Variants in LIPN observed in about 807,000 individuals in gnomAD.
The protein encoded by LIPN is lipase member N.
Under a neutral mutation model 43.7 loss-of-function variants are expected in LIPN, and 32 were observed. The observed-to-expected ratio is 0.73, with a 90% CI of 0.55 to 0.98. LIPN has a LOEUF of 0.98. LIPN is among the 50% of genes least tolerant of loss of function. The pLI is 0.00. For missense variants in LIPN, 505 were observed against 483.8 expected (o/e 1.04, Z -0.41); for synonymous variants, 156 against 157.6 (o/e 0.99, Z 0.08).
rs771596612 is a variant in LIPN, at chr10:88,774,549, A to G, written c.891+5A>G. The G allele has an allele frequency of 1.9e-6, 3 of 1,606,548 alleles. No homozygotes were observed. The highest frequency in any genetic ancestry group is 2.6e-6 in the Non-Finnish European group (3 of 1,173,894). On this transcript the variant is annotated splice_donor_5th_base_variant and intron_variant, in intron 8 of 9. Transcript: ENST00000404459. ...AACATTCTGCATATAAAACAGGTAG[A>G]GTCTTAGTCATGGAAAACCATTCCA...
intron 2 of LIPN, 141 bp downstream of exon 2, chr10:88,761,654 C>CTAGT (rs745430205): frequency 2.7e-5 from 16 of 596,640 alleles, no homozygotes; most frequent in Non-Finnish European, 4.1e-5. Context: ...AAGAGTCAAG[C>CTAGT]TAGTTAGATC....
At chr10:88,777,962 C>A in intron 9 of LIPN, 47 bp from the exon 10 acceptor site, 2 of 1,218,108 alleles carry the variant, frequency 1.6e-6, no homozygotes, top group Non-Finnish European at 2.4e-6. Flanking sequence ...GTAGTTATTG[C>A]TTTGAGGAGC....
intron 8 of LIPN, 68 bp downstream of exon 8, chr10:88,774,612 C>T (rs1843266079): frequency 7.5e-7 from 1 of 1,334,288 alleles, no homozygotes; most frequent in South Asian, 1.2e-5. Context: ...ACAGAATTGA[C>T]CCTGTTAACA....
At position 88,765,748 on chromosome 10, in the gene LIPN, A is replaced by G. The variant is rs187729891; in HGVS notation, c.426-521A>G. ...CAGCCAGAGTCGTTTCTTTCATACT[A>G]TTAAACCCCGTTAGCAGCCCCGTAA... On this transcript the variant is annotated intron_variant, in intron 4 of 9. Transcript: ENST00000404459. Among the ~76,000 whole-genome samples the G allele has an allele frequency of 2.4e-4, 36 of 151,968 alleles. 1 individual carries two copies. The East Asian group carries it at 6.8e-3, about 29-fold the overall frequency.
intron 9 of LIPN, among the ~76,000 whole-genome samples, chr10:88,777,024 AGAGGG>A: frequency 1.3e-5 from 2 of 152,198 alleles, no homozygotes; most frequent in South Asian, 4.1e-4. Flanking sequence ...TTAGTATTGA[AGAGGG>A]CTTCTTCTAC....
upstream of LIPN, among the ~76,000 whole-genome samples, chr10:88,758,125 T>C (rs1842949209): frequency 1.3e-5 from 2 of 152,022 alleles, no homozygotes; most frequent in African/African-American, 2.4e-5. Context: ...CACACTGTAA[T>C]AGGAAATGTG....
intron 9 of LIPN, among the ~76,000 whole-genome samples, chr10:88,775,638 G>C (rs917666245): frequency 2.6e-5 from 4 of 151,948 alleles, no homozygotes; most frequent in Admixed American, 6.6e-5. Flanking sequence ...AGTTGAATAA[G>C]TATTACCCAA....
intron 7 of LIPN, among the ~76,000 whole-genome samples, chr10:88,773,009 A>T (rs1301171950): frequency 2.6e-5 from 4 of 151,968 alleles, no homozygotes; most frequent in Non-Finnish European, 5.9e-5. Flanking sequence ...AAATGACATT[A>T]AAAAATGGAA....
chr10:88,777,944 C>A (rs956797605), intron 9 of LIPN, 65 bp from the exon 10 acceptor site: 3 of 933,062 alleles, frequency 3.2e-6, no homozygotes, highest in African/African-American at 1.6e-5. Flanking sequence ...ATTCATTTAG[C>A]AGCCTTTGTA....
chr10:88,761,627 T>C (rs530040659), intron 2 of LIPN, 114 bp downstream of exon 2: 11 of 729,312 alleles, frequency 1.5e-5, no homozygotes, highest in Non-Finnish European at 2.5e-5. Context: ...AAAATGTAGA[T>C]GGTTTTTAAC....
rs771933908 is a variant in LIPN, at chr10:88,764,491, T to C, written c.308T>C (p.Leu103Pro). The change falls in exon 4 of 10, where the codon CTT becomes CCT. Residue 103 changes from leucine to proline, a missense_variant. Transcript: ENST00000404459. Reference protein sequence around the residue: ...YWLENYANGSLGFLLADAGYD... With the variant: ...YWLENYANGSPGFLLADAGYD... ...CTTGAGAATTATGCTAATGGAAGCC[T>C]TGGATTCCTTCTAGCAGATGCAGGT... The C allele has an allele frequency of 1.6e-5, 26 of 1,612,138 alleles. No individual in the cohort carries two copies. Among genetic ancestry groups the C allele is most frequent in the African/African-American group, 6.7e-5 (5 of 74,760 alleles).
intron 9 of LIPN, among the ~76,000 whole-genome samples, chr10:88,777,065 G>C (rs1468493214): frequency 6.6e-6 from 1 of 152,046 alleles, no homozygotes; most frequent in Non-Finnish European, 1.5e-5. Context: ...GTACAATGTA[G>C]TTTAGGTCTT....
Position 88,764,541 on chromosome 10 carries a change from C to G in LIPN, c.358C>G (p.Arg120Gly). 1.2e-6 allele frequency: 2 copies of G among 1,611,654 alleles called. No individual in the cohort carries two copies. Among genetic ancestry groups the G allele is most frequent in the South Asian group, 2.2e-5 (2 of 90,948 alleles). ...TTATGATGTATGGATGGGAAACAGT[C>G]GGGGAAACACTTGGTCAAGAAGACA... ...AGYDVWMGNS[R>G]GNTWSRRHKT... Residue 120 changes from arginine to glycine, a missense_variant, in exon 4 of 10, where the codon CGG (arginine) becomes GGG (glycine). Transcript: ENST00000404459.
intron 5 of LIPN, among the ~76,000 whole-genome samples, chr10:88,766,777 T>G (rs1360338682): frequency 6.6e-6 from 1 of 151,874 alleles, no homozygotes; most frequent in African/African-American, 2.4e-5. Flanking sequence ...ACAACCCAAA[T>G]GGGATTTTTA....
chr10:88,774,630 C>T, intron 8 of LIPN, 86 bp downstream of exon 8: 1 of 1,086,362 alleles, frequency 9.2e-7, no homozygotes. Flanking sequence ...ACAGGCCTAC[C>T]CTAAGAATCT....
chr10:88,764,952 G>A (rs769988836), intron 4 of LIPN, among the ~76,000 whole-genome samples: 6 of 150,480 alleles, frequency 4.0e-5, no homozygotes, highest in Non-Finnish European at 8.9e-5. Flanking sequence ...TCTAGGCCCC[G>A]AACATTCAAA....
intron 5 of LIPN, among the ~76,000 whole-genome samples, chr10:88,768,506 AG>A (rs1367585759): frequency 6.6e-6 from 1 of 151,890 alleles, no homozygotes; most frequent in East Asian, 1.9e-4. Context: ...AAGTTTACAC[AG>A]CAGTAGCTAC....
At chr10:88,762,090 A>G (rs1048478820) in intron 2 of LIPN, 98 bp from the exon 3 acceptor site, 15 of 531,262 alleles carry the variant, frequency 2.8e-5, no homozygotes, top group Non-Finnish European at 5.0e-5. Context: ...CAAATTTCAG[A>G]TAATTCACCC....
chr10:88,774,377 A>G (rs2134859436), intron 7 of LIPN, 96 bp from the exon 8 acceptor site: 1 of 718,874 alleles, frequency 1.4e-6, no homozygotes, highest in South Asian at 1.7e-5. Flanking sequence ...TCAAAGCCCC[A>G]GTCTTGTTTG....
Sources: allele counts gnomAD v4.1 joint callset (sites outside exome capture counted in the v4.1 genomes callset), GRCh38; gene constraint gnomAD v4.1.1; transcripts MANE v1.5; gene names NCBI Gene and HGNC (gene_info 2026-07-23, HGNC 2026-07-21).